The following ARMC3 variants were observed in gnomAD, a reference collection of about 807,000 sequenced individuals.
ARMC3 encodes the protein armadillo repeat-containing protein 3.
Under a neutral mutation model 90.3 loss-of-function variants are expected in ARMC3, and 74 were observed. The ratio of observed to expected loss-of-function variants is 0.82; its 90% CI spans 0.68 to 0.99. ARMC3 has a LOEUF of 0.99. Among genes scored for constraint, ARMC3 ranks in the 50% least tolerant of loss-of-function variants. The pLI, the probability that ARMC3 is intolerant of heterozygous loss-of-function variation, is 0.00. For synonymous variants in ARMC3, 334 were observed against 361.8 expected (o/e 0.92, Z 0.87); for missense variants, 958 against 1,042.8 (o/e 0.92, Z 1.12).
intron 8 of ARMC3, among the ~76,000 whole-genome samples, chr10:22,973,822 G>A (rs939389888): frequency 1.3e-4 from 19 of 141,870 alleles, no homozygotes; most frequent in African/African-American, 3.4e-4. Flanking sequence ...GCAGTGGCGC[G>A]ATCTTGGCTC....
At chr10:22,946,026 G>T in intron 2 of ARMC3, 118 bp from the exon 3 acceptor site, 1 of 655,498 alleles carries the variant, frequency 1.5e-6, no homozygotes. Flanking sequence ...CACTTATTGG[G>T]CAGTGACCAC....
chr10:23,028,166 A>G (rs1045340327), intron 16 of ARMC3, among the ~76,000 whole-genome samples: 3 of 152,052 alleles, frequency 2.0e-5, no homozygotes, highest in African/African-American at 7.2e-5. Flanking sequence ...GAACAACAAC[A>G]ACAACAATTT....
chr10:22,968,122 A>G (rs1835518558), intron 7 of ARMC3, among the ~76,000 whole-genome samples, 184 bp from the exon 8 acceptor site: 1 of 152,188 alleles, frequency 6.6e-6, no homozygotes, highest in African/African-American at 2.4e-5. Context: ...AGGAGAAAAG[A>G]CAGGGCACAT....
At chr10:23,034,474 A>T (rs1028696741) in intron 18 of ARMC3, among the ~76,000 whole-genome samples, 2 of 152,192 alleles carry the variant, frequency 1.3e-5, no homozygotes, top group African/African-American at 4.8e-5. Flanking sequence ...TACCTGGAGA[A>T]ATAATTTTAC....
intron 3 of ARMC3, among the ~76,000 whole-genome samples, chr10:22,953,770 C>T (rs905027389): frequency 3.3e-5 from 5 of 152,196 alleles, no homozygotes; most frequent in Non-Finnish European, 7.3e-5. Context: ...ATAGAACTAT[C>T]TCTATTTGAT....
At chr10:22,950,392 A>G (rs1834699381) in intron 3 of ARMC3, among the ~76,000 whole-genome samples, 1 of 152,178 alleles carries the variant, frequency 6.6e-6, no homozygotes, top group Non-Finnish European at 1.5e-5. Context: ...TCATATGTGA[A>G]GTGGCATAAT....
chr10:22,963,620 G>A (rs539760603), intron 7 of ARMC3, among the ~76,000 whole-genome samples: 2 of 151,858 alleles, frequency 1.3e-5, no homozygotes, highest in African/African-American at 4.8e-5. Flanking sequence ...GGCCAGGCAC[G>A]GTGGCTCACA....
At chr10:22,979,371 C>A (rs574292298) in intron 8 of ARMC3, among the ~76,000 whole-genome samples, 2 of 152,274 alleles carry the variant, frequency 1.3e-5, no homozygotes, top group South Asian at 2.1e-4. Flanking sequence ...CTGCAGTCAG[C>A]ACTTTTAAGG....
At chr10:22,945,541 A>G (rs767594785) in intron 2 of ARMC3, among the ~76,000 whole-genome samples, 17 of 152,058 alleles carry the variant, frequency 1.1e-4, no homozygotes, top group Non-Finnish European at 2.2e-4. Context: ...GTTTTATTCA[A>G]TTTTACATTT....
chr10:22,959,971 T>G (rs1835122773), intron 6 of ARMC3: 2 of 373,982 alleles, frequency 5.3e-6, no homozygotes, highest in Admixed American at 8.4e-5. Flanking sequence ...TGGTTTAGGC[T>G]TATTTGTTGC....
chr10:22,961,015 A>G (rs1835167637), intron 6 of ARMC3: 1 of 152,246 alleles, frequency 6.6e-6, no homozygotes, highest in South Asian at 2.1e-4. Context: ...TGCATCTGCA[A>G]TGACCCTGTT....
rs1239001861 is a variant in ARMC3 at position 23,024,844 on chromosome 10, T to C, written c.2046-5752T>C. On this transcript the variant is annotated intron_variant, in intron 16 of 18. Coordinates refer to ENST00000298032, the MANE Select transcript of ARMC3 (RefSeq NM_173081.5). ...AGTTATGATCCGACTGTATGCTGTTTAAATAAACTAACTTCAAATTCATTT... is the reference window on the plus strand; with the variant it reads ...AGTTATGATCCGACTGTATGCTGTTCAAATAAACTAACTTCAAATTCATTT... 2.6e-5 allele frequency among the ~76,000 whole-genome samples: 4 copies of C among 152,184 alleles called. No homozygotes were observed. In the East Asian group the frequency reaches 7.7e-4, roughly 29 times the overall value.
At chr10:22,987,802 C>A (rs1173862900) in intron 10 of ARMC3, among the ~76,000 whole-genome samples, 1 of 151,886 alleles carries the variant, frequency 6.6e-6, no homozygotes, top group Non-Finnish European at 1.5e-5. Flanking sequence ...ATTTTTTGTA[C>A]CCCTTTTGAC....
At chr10:22,951,608 C>T (rs183044663) in intron 3 of ARMC3, among the ~76,000 whole-genome samples, 19 of 151,568 alleles carry the variant, frequency 1.3e-4, no homozygotes, top group African/African-American at 4.1e-4. Flanking sequence ...AAATCAATAA[C>T]GCAGAAAACT....
intron 10 of ARMC3, among the ~76,000 whole-genome samples, chr10:22,981,965 AG>A (rs1836213661): frequency 6.6e-6 from 1 of 152,222 alleles, no homozygotes; most frequent in South Asian, 2.1e-4. Context: ...CTCTTGTAGA[AG>A]CTTCTGCAAA....
chr10:23,029,571 A>G (rs1179217691), intron 16 of ARMC3, among the ~76,000 whole-genome samples: 1 of 152,174 alleles, frequency 6.6e-6, no homozygotes, highest in African/African-American at 2.4e-5. Context: ...TTTCTATCCA[A>G]TTTAACTAAG....
intron 16 of ARMC3, among the ~76,000 whole-genome samples, chr10:23,022,767 C>T (rs12356890): frequency 0.059 from 8,985 of 152,198 alleles, 379 homozygotes; most frequent in Middle Eastern, 0.12. Context: ...CAAGAGGGAC[C>T]TAGACACAGC....
At chr10:22,942,825 AAAG>A (rs1439396380) in intron 2 of ARMC3, among the ~76,000 whole-genome samples, 3 of 152,236 alleles carry the variant, frequency 2.0e-5, no homozygotes, top group African/African-American at 7.2e-5. Flanking sequence ...ACTGGAAAGA[AAAG>A]AACCCAAACT....
intron 2 of ARMC3, among the ~76,000 whole-genome samples, chr10:22,944,272 A>C (rs978722799): frequency 5.3e-5 from 8 of 152,260 alleles, no homozygotes; most frequent in East Asian, 3.9e-4. Context: ...CTTTCTTCTT[A>C]TTATTCAATA....
Sources: gnomAD v4.1 joint callset for allele counts (sites outside exome capture counted in the v4.1 genomes callset) on GRCh38, gnomAD v4.1.1 for gene constraint, MANE v1.5 for transcripts, NCBI Gene and HGNC (gene_info 2026-07-23, HGNC 2026-07-21) for gene names.